LINGO2: variants seen among roughly 807,000 people sequenced by gnomAD.
The protein encoded by LINGO2 is leucine rich repeat and Ig domain containing 2.
In LINGO2, 14 loss-of-function variants were observed where a neutral mutation model predicts 30.6. The ratio of observed to expected loss-of-function variants is 0.46; its 90% CI spans 0.30 to 0.72. LINGO2 has a LOEUF of 0.72. Among genes scored for constraint, LINGO2 ranks in the 30% least tolerant of loss-of-function variants. LINGO2 has a pLI of 0.07. For missense variants in LINGO2, 729 were observed against 751.7 expected (o/e 0.97, Z 0.35); for synonymous variants, 317 against 288.5 (o/e 1.10, Z -1.00).
the LINGO2 span, chr9:27,940,850 A>G: frequency 6.6e-6 from 1 of 152,208 alleles, no homozygotes; most frequent in African/African-American, 2.4e-5. Context: ...CGAGTTCATT[A>G]TATTATCTTC....
intron 1 of LINGO2, among the ~76,000 whole-genome samples, chr9:28,651,206 G>A (rs1828089060): frequency 6.6e-6 from 1 of 151,842 alleles, no homozygotes; most frequent in African/African-American, 2.4e-5. Flanking sequence ...GAAAATTATG[G>A]GTTAGTACAG....
chr9:28,489,665 G>A (rs1451035647), intron 1 of LINGO2, among the ~76,000 whole-genome samples: 2 of 151,804 alleles, frequency 1.3e-5, no homozygotes, highest in Admixed American at 6.6e-5. Context: ...TTGGGAGGCC[G>A]AGGCAGGCAG....
intron 4 of LINGO2, among the ~76,000 whole-genome samples, chr9:28,066,713 A>G (rs1031841445): frequency 9.2e-5 from 14 of 152,092 alleles, no homozygotes; most frequent in Non-Finnish European, 1.8e-4. Flanking sequence ...CAAGATCTTT[A>G]AAATTTAGAA....
chr9:28,688,503 C>G, the LINGO2 span, among the ~76,000 whole-genome samples: 5 of 152,110 alleles, frequency 3.3e-5, no homozygotes, highest in South Asian at 1.0e-3. Flanking sequence ...TAACCACACT[C>G]CTTTAAATGG....
intron 4 of LINGO2, among the ~76,000 whole-genome samples, chr9:28,103,534 C>T (rs1420610238): frequency 1.3e-5 from 2 of 152,084 alleles, no homozygotes; most frequent in African/African-American, 4.8e-5. Flanking sequence ...GCCTACTTGC[C>T]CTCATTGCCC....
chr9:29,020,464 G>A, the LINGO2 span, among the ~76,000 whole-genome samples: 1 of 152,132 alleles, frequency 6.6e-6, no homozygotes, highest in Non-Finnish European at 1.5e-5. Flanking sequence ...TTACTGCTTT[G>A]TAGTTTATAT....
At chr9:28,803,148 C>A in the LINGO2 span, among the ~76,000 whole-genome samples, 6 of 152,004 alleles carry the variant, frequency 3.9e-5, no homozygotes, top group Non-Finnish European at 7.4e-5. Flanking sequence ...ACTGTATCAT[C>A]GAATTTATTT....
chr9:28,763,277 A>C, the LINGO2 span, among the ~76,000 whole-genome samples: 1 of 152,088 alleles, frequency 6.6e-6, no homozygotes, highest in African/African-American at 2.4e-5. Flanking sequence ...TCCAGAATAG[A>C]TCACATGTTG....
chr9:28,248,848 G>A (rs1410349572), intron 4 of LINGO2, among the ~76,000 whole-genome samples: 1 of 152,176 alleles, frequency 6.6e-6, no homozygotes, highest in East Asian at 1.9e-4. Context: ...TTGAGAAACA[G>A]TAATGCCTAT....
chr9:28,963,504 A>C, the LINGO2 span, among the ~76,000 whole-genome samples: 1 of 151,314 alleles, frequency 6.6e-6, no homozygotes, highest in African/African-American at 2.4e-5. Flanking sequence ...CAACCTAAGT[A>C]TATATCAATG....
At chr9:28,994,909 A>G in the LINGO2 span, among the ~76,000 whole-genome samples, 2 of 152,236 alleles carry the variant, frequency 1.3e-5, no homozygotes, top group South Asian at 4.1e-4. Context: ...CTAAAACCAT[A>G]AAAACCCTAG....
chr9:28,982,827 C>A, the LINGO2 span, among the ~76,000 whole-genome samples: 33 of 152,058 alleles, frequency 2.2e-4, no homozygotes, highest in Admixed American at 1.8e-3. Context: ...CTTTACCTTG[C>A]AGATACCACC....
At position 28,271,229 on chromosome 9, in the gene LINGO2, T is replaced by C. The variant is rs541331797; in HGVS notation, c.-87+23979A>G. ...TGTAGAAAATAATTGTTTTATTGTT[T>C]CTAATTTGTATAGGCAATGTTTTAG... is the stretch of plus-strand genomic sequence containing the variant. On this transcript the variant is annotated intron_variant, in intron 4 of 5. Transcript: ENST00000379992. Among the ~76,000 whole-genome samples, 18 of 152,248 alleles carry C rather than the reference T, an allele frequency of 1.2e-4. No homozygotes were observed. The South Asian group carries it at 3.7e-3, about 32-fold the overall frequency.
the LINGO2 span, among the ~76,000 whole-genome samples, chr9:29,059,866 C>G: frequency 2.3e-4 from 35 of 151,998 alleles, no homozygotes; most frequent in South Asian, 6.0e-3. Flanking sequence ...TGAACTTCCT[C>G]AAAATTAAAA....
intron 4 of LINGO2, among the ~76,000 whole-genome samples, chr9:28,098,578 T>G (rs1826317706): frequency 6.6e-6 from 1 of 152,180 alleles, no homozygotes; most frequent in Non-Finnish European, 1.5e-5. Flanking sequence ...CTTTCTTTTT[T>G]CGTCTATATA....
In LINGO2 at chr9:28,418,642, A is replaced by G. The variant is rs183910608; in HGVS notation, c.-278-45774T>C. On this transcript the variant is annotated intron_variant, in intron 2 of 5. Transcript: ENST00000379992. The stretch of plus-strand genomic sequence containing the variant: ...TCTCATCTGTAAAATGGATAAGATT[A>G]ATCTCTTAAAGTAAATGGCAAGATT... 2.0e-5 allele frequency among the ~76,000 whole-genome samples: 3 copies of G among 152,162 alleles called. No homozygotes were observed. In the East Asian group the frequency reaches 5.8e-4, roughly 29 times the overall value.
intron 2 of LINGO2, among the ~76,000 whole-genome samples, chr9:28,449,606 C>T (rs1436537849): frequency 6.6e-6 from 1 of 151,956 alleles, no homozygotes; most frequent in Non-Finnish European, 1.5e-5. Flanking sequence ...AAACCAAAAT[C>T]CCATTTTTTT....
intron 1 of LINGO2, among the ~76,000 whole-genome samples, chr9:28,493,576 A>C (rs551664823): frequency 3.3e-5 from 5 of 152,196 alleles, no homozygotes; most frequent in African/African-American, 7.2e-5. Context: ...TATTTGAAAA[A>C]TCATGAAACA....
At chr9:28,622,950 G>C (rs1826479433) in intron 1 of LINGO2, among the ~76,000 whole-genome samples, 1 of 151,874 alleles carries the variant, frequency 6.6e-6, no homozygotes, top group Non-Finnish European at 1.5e-5. Flanking sequence ...ATGATGTCAA[G>C]CACCTTATTA....
Sources: allele counts gnomAD v4.1 joint callset (sites outside exome capture counted in the v4.1 genomes callset), GRCh38; gene constraint gnomAD v4.1.1; transcripts MANE v1.5; gene names NCBI Gene and HGNC (gene_info 2026-07-23, HGNC 2026-07-21).